GRID2: variants seen among roughly 807,000 people sequenced by gnomAD.
GRID2 encodes glutamate ionotropic receptor delta type subunit 2.
GRID2 carries 33 observed loss-of-function variants against 114.8 expected under a neutral mutation model. The observed-to-expected ratio is 0.29, with a 90% CI of 0.22 to 0.38. The LOEUF is 0.38. GRID2 is among the 10% of genes least tolerant of loss of function. GRID2 has a pLI of 1.00. For synonymous variants in GRID2, 505 were observed against 449.9 expected (o/e 1.12, Z -1.55); for missense variants, 1,184 against 1,257.7 (o/e 0.94, Z 0.89).
At chr4:93,633,183 A>G (rs183832530) in intron 14 of GRID2, among the ~76,000 whole-genome samples, 2 of 152,102 alleles carry the variant, frequency 1.3e-5, no homozygotes, top group Admixed American at 6.6e-5. Context: ...TTATTTGATT[A>G]GTTTTATACT....
intron 1 of GRID2, among the ~76,000 whole-genome samples, chr4:92,417,797 A>G (rs910248377): frequency 6.6e-6 from 1 of 152,144 alleles, no homozygotes; most frequent in African/African-American, 2.4e-5. Flanking sequence ...GGACGGACCC[A>G]GTAGGAAGTA....
chr4:92,842,563 A>G (rs1347646765), intron 2 of GRID2, among the ~76,000 whole-genome samples: 1 of 152,072 alleles, frequency 6.6e-6, no homozygotes, highest in Non-Finnish European at 1.5e-5. Context: ...CACAACAACC[A>G]CTCAGTAATG....
chr4:93,124,346 C>A (rs1033258035), intron 4 of GRID2, among the ~76,000 whole-genome samples: 1 of 152,132 alleles, frequency 6.6e-6, no homozygotes, highest in Non-Finnish European at 1.5e-5. Context: ...ATAGTGAGCT[C>A]ATGCATTCTA....
At chr4:92,912,455 G>A (rs978118788) in intron 2 of GRID2, among the ~76,000 whole-genome samples, 1 of 151,442 alleles carries the variant, frequency 6.6e-6, no homozygotes, top group Non-Finnish European at 1.5e-5. Context: ...TAATTGTTAT[G>A]CATTTTAGTT....
chr4:92,843,002 G>C (rs1251517616), intron 2 of GRID2, among the ~76,000 whole-genome samples: 7 of 152,228 alleles, frequency 4.6e-5, no homozygotes, highest in Admixed American at 4.6e-4. Flanking sequence ...ACTTTGGCAG[G>C]CCAAGGCTGG....
chr4:93,398,896 A>G (rs888342822), intron 9 of GRID2, among the ~76,000 whole-genome samples: 1 of 151,278 alleles, frequency 6.6e-6, no homozygotes. Flanking sequence ...TTCTGTAACT[A>G]CTCTGAGAAT....
At chr4:92,780,506 T>C (rs1203457779) in intron 2 of GRID2, among the ~76,000 whole-genome samples, 5 of 152,110 alleles carry the variant, frequency 3.3e-5, no homozygotes, top group African/African-American at 9.7e-5. Flanking sequence ...TTTGGTACTA[T>C]AATGAGTATA....
intron 1 of GRID2, among the ~76,000 whole-genome samples, chr4:92,440,938 C>G (rs376549431): frequency 6.6e-6 from 1 of 151,848 alleles, no homozygotes; most frequent in Non-Finnish European, 1.5e-5. Context: ...GTATATGAAT[C>G]AGGTATGAGG....
At chr4:93,032,539 G>A (rs1724534226) in intron 2 of GRID2, among the ~76,000 whole-genome samples, 1 of 151,844 alleles carries the variant, frequency 6.6e-6, no homozygotes, top group South Asian at 2.1e-4. Flanking sequence ...AATAAAATAG[G>A]GATTTCTTAA....
intron 8 of GRID2, among the ~76,000 whole-genome samples, chr4:93,339,860 G>A (rs1368720): frequency 0.25 from 38,228 of 151,840 alleles, 8,089 homozygotes; most frequent in African/African-American, 0.58. Context: ...GCAGGAAGAA[G>A]TGCTGAGCCA....
chr4:93,734,049 A>T (rs1277223811), intron 14 of GRID2, among the ~76,000 whole-genome samples: 2 of 152,018 alleles, frequency 1.3e-5, no homozygotes, highest in Non-Finnish European at 1.5e-5. Context: ...TTAGATTTGC[A>T]TTGAAACTCT....
At chr4:92,833,413 C>T (rs1742249636) in intron 2 of GRID2, among the ~76,000 whole-genome samples, 1 of 152,196 alleles carries the variant, frequency 6.6e-6, no homozygotes, top group African/African-American at 2.4e-5. Context: ...TTCATCCAGT[C>T]ATAACAGTGG....
At chr4:92,947,490 A>G (rs902430741) in intron 2 of GRID2, among the ~76,000 whole-genome samples, 3 of 151,972 alleles carry the variant, frequency 2.0e-5, no homozygotes, top group Non-Finnish European at 4.4e-5. Flanking sequence ...ATAAAGATAA[A>G]TTATAAAGGG....
chr4:93,195,538 G>A (rs1237862328), intron 4 of GRID2, among the ~76,000 whole-genome samples: 3 of 152,148 alleles, frequency 2.0e-5, no homozygotes, highest in Admixed American at 2.0e-4. Flanking sequence ...GGCCAAATAA[G>A]CTGGACAACG....
intron 11 of GRID2, among the ~76,000 whole-genome samples, chr4:93,459,815 G>A (rs1311399483): frequency 6.6e-6 from 1 of 152,108 alleles, no homozygotes; most frequent in East Asian, 1.9e-4. Context: ...AACCTTCTTA[G>A]CCTCTCACAT....
At chr4:93,456,877 A>T (rs1254582433) in intron 11 of GRID2, among the ~76,000 whole-genome samples, 1 of 152,084 alleles carries the variant, frequency 6.6e-6, no homozygotes, top group Non-Finnish European at 1.5e-5. Flanking sequence ...CCTTCATCTG[A>T]CTTGCTAACT....
intron 14 of GRID2, among the ~76,000 whole-genome samples, chr4:93,731,199 G>A (rs1174629863): frequency 6.6e-6 from 1 of 152,170 alleles, no homozygotes; most frequent in Non-Finnish European, 1.5e-5. Flanking sequence ...AGAACCCACA[G>A]GAGCAGGTTG....
chr4:93,058,058 A>G (rs1305499298), intron 2 of GRID2, among the ~76,000 whole-genome samples: 6 of 150,594 alleles, frequency 4.0e-5, no homozygotes, highest in South Asian at 4.2e-4. Flanking sequence ...TCCCCAAAAT[A>G]AAGAAGGATG....
At chr4:92,951,988 A>G (rs973856367) in intron 2 of GRID2, among the ~76,000 whole-genome samples, 2 of 152,158 alleles carry the variant, frequency 1.3e-5, no homozygotes, top group Admixed American at 6.6e-5. Context: ...TAATATTTTT[A>G]TATTAAAAAC....
Sources: gnomAD v4.1 joint callset for allele counts (sites outside exome capture counted in the v4.1 genomes callset) on GRCh38, gnomAD v4.1.1 for gene constraint, MANE v1.5 for transcripts, NCBI Gene and HGNC (gene_info 2026-07-23, HGNC 2026-07-21) for gene names.